Variants in CSNK1A1 observed in about 807,000 individuals in gnomAD.
CSNK1A1 encodes the protein casein kinase 1 alpha 1.
CSNK1A1 carries 7 observed loss-of-function variants against 46.1 expected under a neutral mutation model. The observed-to-expected ratio is 0.15, with a 90% CI of 0.09 to 0.29. The LOEUF is 0.29. Among genes scored for constraint, CSNK1A1 ranks in the 10% least tolerant of loss-of-function variants. The pLI is 1.00. For missense variants in CSNK1A1, 96 were observed against 417.1 expected, an observed-to-expected ratio of 0.23 and a Z score of 6.71; for synonymous variants, 137 against 141.5, an observed-to-expected ratio of 0.97 and a Z score of 0.23.
chr5:149,545,646 T>C lies in CSNK1A1; in HGVS notation c.230+4429A>G, dbSNP rs113212527. 2.4e-4 allele frequency: 214 copies of C among 892,312 alleles called. 3 individuals are homozygous for C. In the African/African-American group the frequency reaches 2.8e-3, roughly 12 times the overall value. 55.3% of individuals were successfully genotyped at this position (892,312 alleles called of 1,614,324 possible). On this transcript the variant is annotated intron_variant, in intron 2 of 9. Transcript: ENST00000377843. ...CGAGGGCCCTGCTAGCCTCAGCAAG[T>C]GCACTCATTGCCTTGGCATTGTTGG...
At chr5:149,542,626 A>ATGTATG (rs1762298750) in intron 2 of CSNK1A1, among the ~76,000 whole-genome samples, 1 of 12,746 alleles carries the variant, frequency 7.8e-5, no homozygotes, top group African/African-American at 6.0e-4. Flanking sequence ...ATATATATAT[A>ATGTATG]TATATATATA....
chr5:149,520,727 T>C (rs1181529537), intron 3 of CSNK1A1, among the ~76,000 whole-genome samples: 2 of 152,182 alleles, frequency 1.3e-5, no homozygotes, highest in Non-Finnish European at 2.9e-5. Flanking sequence ...AAATAAAAAC[T>C]TTCCACACTC....
rs994762601 is a variant in CSNK1A1, at chr5:149,533,843, A to G, written c.231-8672T>C. Among the ~76,000 whole-genome samples the G allele has an allele frequency of 2.0e-5, 3 of 152,340 alleles. No individual in the cohort carries two copies. The Middle Eastern group carries it at 0.01, about 518-fold the overall frequency. On this transcript the variant is annotated intron_variant, in intron 2 of 9. Coordinates refer to ENST00000377843, the MANE Select transcript of CSNK1A1 (RefSeq NM_001892.6). ...ATTGGGAAGTGGAAAATGTACTTAT[A>G]GTCTTCATAACACAAATTACAAAAG... is the stretch of plus-strand genomic sequence containing the variant.
intron 4 of CSNK1A1, among the ~76,000 whole-genome samples, chr5:149,519,534 G>GA (rs1329419910): frequency 6.6e-6 from 1 of 152,040 alleles, no homozygotes; most frequent in East Asian, 1.9e-4. Context: ...AATCATTACA[G>GA]AAAAAAAGTC....
At chr5:149,542,946 T>G (rs958006407) in intron 2 of CSNK1A1, among the ~76,000 whole-genome samples, 4 of 151,444 alleles carry the variant, frequency 2.6e-5, no homozygotes, top group Non-Finnish European at 5.9e-5. Context: ...CCGCCCGTCT[T>G]GGCCTCCCAA....
chr5:149,527,916 G>A (rs150293603), intron 2 of CSNK1A1, among the ~76,000 whole-genome samples: 373 of 152,288 alleles, frequency 2.4e-3, no homozygotes, highest in African/African-American at 4.4e-3. Flanking sequence ...GGTTTCCACT[G>A]ATGGCTCAGA....
Position 149,505,696 on chromosome 5 carries a change from G to A in CSNK1A1, c.858-101C>T, listed in dbSNP as rs1760999030. 11 of 941,282 alleles carry A rather than the reference G, an allele frequency of 1.2e-5. No homozygotes were observed. In the East Asian group the frequency reaches 1.7e-4, roughly 15 times the overall value. The allele number at this position is 941,282 out of a possible 1,614,324, so 58.3% of individuals were successfully genotyped here. On this transcript the variant is annotated intron_variant, in intron 8 of 9. Transcript: ENST00000377843. ...CAGTGACAGCATTTCTTTACACAAC[G>A]AATATTTCCTCAAGTGTGGCAGCTT... is the stretch of plus-strand genomic sequence containing the variant.
intron 2 of CSNK1A1, among the ~76,000 whole-genome samples, chr5:149,549,791 C>T (rs1762598202): frequency 6.6e-6 from 1 of 152,140 alleles, no homozygotes; most frequent in Non-Finnish European, 1.5e-5. Context: ...AACCCTTCCG[C>T]GTAGGGATCA....
At position 149,494,795 on chromosome 5, in the gene CSNK1A1, C is replaced by T. The variant is rs1760608466; in HGVS notation, c.*2058G>A. The T allele has an allele frequency of 6.6e-6, 1 of 152,148 alleles. No individual in the cohort carries two copies. The highest frequency in any genetic ancestry group is 1.5e-5 in the Non-Finnish European group (1 of 68,040). 9.4% of individuals were successfully genotyped at this position (152,148 alleles called of 1,614,324 possible). A position where few individuals can be genotyped will look rare whatever the true frequency, so the allele number is the denominator to read the frequency against. The stretch of plus-strand genomic sequence containing the variant: ...GCTAACAGCAGTTTTAAATCTGCAA[C>T]TTAATTACAGACCAACTACACCACA... On this transcript the variant is annotated 3_prime_UTR_variant, in exon 10 of 10. Transcript: ENST00000377843.
intron 2 of CSNK1A1, among the ~76,000 whole-genome samples, chr5:149,526,535 T>G (rs1389682251): frequency 6.6e-6 from 1 of 152,234 alleles, no homozygotes; most frequent in Non-Finnish European, 1.5e-5. Context: ...AACTGTTTAG[T>G]GCCATTTCCT....
At chr5:149,505,126 A>G in intron 9 of CSNK1A1, 1 of 1,025,340 alleles carries the variant, frequency 9.8e-7, no homozygotes, top group South Asian at 4.4e-5. Flanking sequence ...TATATTCCCA[A>G]CACCAAATTT....
intron 2 of CSNK1A1, among the ~76,000 whole-genome samples, chr5:149,544,144 A>G (rs939149957): frequency 6.6e-6 from 1 of 152,194 alleles, no homozygotes; most frequent in African/African-American, 2.4e-5. Flanking sequence ...AATGGAAATG[A>G]GTATTTAGCT....
At chr5:149,510,768 C>T (rs111983667) in intron 6 of CSNK1A1, among the ~76,000 whole-genome samples, 3 of 152,196 alleles carry the variant, frequency 2.0e-5, no homozygotes, top group African/African-American at 7.2e-5. Context: ...GCATGAGCCA[C>T]CATGCTCAGC....
At chr5:149,511,701 G>C (rs1036556876) in intron 6 of CSNK1A1, 93 bp downstream of exon 6, 3 of 874,772 alleles carry the variant, frequency 3.4e-6, no homozygotes, top group Non-Finnish European at 5.4e-6. Context: ...AAAAATCTCA[G>C]ACTTAGAAGG....
chr5:149,529,825 A>G, intron 2 of CSNK1A1: 1 of 438,514 alleles, frequency 2.3e-6, no homozygotes, highest in South Asian at 1.6e-5. Context: ...ATGGAGGACC[A>G]GGGGAAGGAA....
chr5:149,550,124 T>C lies in CSNK1A1; in HGVS notation c.181A>G (p.Ser61Gly). The C allele has an allele frequency of 1.2e-6, 2 of 1,614,040 alleles. No homozygotes were observed. The highest frequency in any genetic ancestry group is 1.7e-6 in the Non-Finnish European group (2 of 1,179,958). ...CCTTGAAGAATCTTATAGAGCTTGC[T>C]CTCGTACAGCAACTGGGGATGCCTG... ...KARHPQLLYE[S>G]KLYKILQGGV... is the part of the protein sequence containing the mutation. Residue 61 changes from serine to glycine, a missense_variant, in exon 2 of 10, where the codon AGC (serine) becomes GGC (glycine). By Grantham distance (56) the Ser-to-Gly change is moderately conservative. Coordinates refer to ENST00000377843, the MANE Select transcript of CSNK1A1 (RefSeq NM_001892.6). This position sits in a 1 kb window ranked among gnomAD's most constrained non-coding sequence, Gnocchi z 4.3.
intron 2 of CSNK1A1, among the ~76,000 whole-genome samples, chr5:149,545,085 G>C (rs1554118090): frequency 1.3e-5 from 2 of 148,210 alleles, no homozygotes; most frequent in Non-Finnish European, 3.0e-5. Context: ...CTGGGTGACA[G>C]AGCAAGACTC....
intron 9 of CSNK1A1, chr5:149,502,984 T>C: frequency 1.2e-6 from 1 of 831,530 alleles, no homozygotes; most frequent in African/African-American, 1.9e-5. Flanking sequence ...GGCCAGACTC[T>C]CGAACTCCTG....
chr5:149,551,035 T>TC lies in CSNK1A1; in HGVS notation c.-72dup. On this transcript the variant is annotated 5_prime_UTR_variant, in exon 1 of 10. Coordinates refer to ENST00000377843, the MANE Select transcript of CSNK1A1 (RefSeq NM_001892.6). ...GGGAAGAGGACGGAGGCCTCGGGGC[T>TC]CCTACACTAGGCAAGGCTACGGAGG... The TC allele has an allele frequency of 6.4e-7, 1 of 1,573,096 alleles. No individual in the cohort carries two copies. The highest frequency in any genetic ancestry group is 8.7e-7 in the Non-Finnish European group (1 of 1,150,566).
Sources: allele counts gnomAD v4.1 joint callset (sites outside exome capture counted in the v4.1 genomes callset), GRCh38; gene constraint gnomAD v4.1.1; non-coding constraint Gnocchi (gnomAD v3.1); transcripts MANE v1.5; gene names NCBI Gene and HGNC (gene_info 2026-07-23, HGNC 2026-07-21).